Variants in NTM observed in about 807,000 individuals in gnomAD.
NTM encodes the protein neurotrimin, also known as IgLON family member 2.
NTM carries 13 observed loss-of-function variants against 42.1 expected under a neutral mutation model. The ratio of observed to expected loss-of-function variants is 0.31; its 90% confidence interval spans 0.20 to 0.49. The LOEUF (loss-of-function observed/expected upper bound fraction) is 0.49, where lower values mean the gene tolerates loss of function less well. NTM is among the 20% of genes least tolerant of loss of function. NTM has a pLI of 0.99. For synonymous variants in NTM, 187 were observed against 179.2 expected, an observed-to-expected ratio of 1.04 and a Z score of -0.35; for missense variants, 373 against 452.8, an observed-to-expected ratio of 0.82 and a Z score of 1.60.
At chr11:131,837,665 T>C (rs1266422351) in intron 1 of NTM, among the ~76,000 whole-genome samples, 4 of 152,182 alleles carry the variant, frequency 2.6e-5, no homozygotes, top group East Asian at 3.9e-4. Flanking sequence ...GCAAAGGTTT[T>C]TCAACGGGCC....
At chr11:132,289,355 A>G (rs1406595831) in intron 4 of NTM, among the ~76,000 whole-genome samples, 1 of 152,220 alleles carries the variant, frequency 6.6e-6, no homozygotes, top group South Asian at 2.1e-4. Context: ...TTTACACAAG[A>G]GTTCAGTTCT....
chr11:132,201,752 C>A (rs1263717164), intron 3 of NTM, among the ~76,000 whole-genome samples: 1 of 152,242 alleles, frequency 6.6e-6, no homozygotes, highest in Non-Finnish European at 1.5e-5. Context: ...ATCACAATAG[C>A]ATTCATTTGC....
chr11:131,822,131 T>C (rs2093215505), intron 1 of NTM, among the ~76,000 whole-genome samples: 1 of 147,510 alleles, frequency 6.8e-6, no homozygotes, highest in African/African-American at 2.7e-5. Flanking sequence ...TACTGCTATG[T>C]TGTCTTCTTC....
At chr11:131,602,571 A>G (rs1303359669) in intron 1 of NTM, among the ~76,000 whole-genome samples, 2 of 152,038 alleles carry the variant, frequency 1.3e-5, no homozygotes, top group East Asian at 3.9e-4. Context: ...ATTGCTTCAG[A>G]TTCTCTACAC....
At position 131,853,436 on chromosome 11, in the gene NTM, C is replaced by G. The variant is rs549366108; in HGVS notation, c.83-58128C>G. The stretch of plus-strand genomic sequence containing the variant: ...ACAGGCCCAGTGTGTGTTGTTTCCC[C>G]CTGTGTGTCTTATGTTGTCATAATC... On this transcript the variant is annotated intron_variant, in intron 1 of 8. Coordinates refer to ENST00000683400, the MANE Select transcript of NTM (RefSeq NM_001352005.2). Among the ~76,000 whole-genome samples, 3 of 152,208 alleles carry G rather than the reference C, an allele frequency of 2.0e-5. No individual in the cohort carries two copies. In the East Asian group the frequency reaches 5.8e-4, roughly 30 times the overall value.
At chr11:131,482,863 A>G (rs182245461) in intron 1 of NTM, among the ~76,000 whole-genome samples, 48 of 152,294 alleles carry the variant, frequency 3.2e-4, no homozygotes, top group African/African-American at 9.4e-4. Context: ...AAAATTCACT[A>G]TGGGTGTGAT....
chr11:131,632,437 T>G (rs140717199), intron 1 of NTM, among the ~76,000 whole-genome samples: 1 of 152,222 alleles, frequency 6.6e-6, no homozygotes, highest in Non-Finnish European at 1.5e-5. Context: ...TTTCTTTAAG[T>G]CTTGTTTTAT....
intron 3 of NTM, among the ~76,000 whole-genome samples, chr11:132,147,551 C>G (rs1333909881): frequency 6.7e-5 from 2 of 29,892 alleles, no homozygotes; most frequent in East Asian, 2.9e-4. Flanking sequence ...AGCTATGGAG[C>G]TTTCTTTTCT....
chr11:131,631,181 C>T (rs536482464), intron 1 of NTM, among the ~76,000 whole-genome samples: 128 of 152,190 alleles, frequency 8.4e-4, no homozygotes, highest in African/African-American at 3.0e-3. Context: ...GATTTGCACC[C>T]GTTAAATGAC....
intron 2 of NTM, among the ~76,000 whole-genome samples, chr11:131,963,264 A>G (rs1407181025): frequency 6.6e-6 from 1 of 152,214 alleles, no homozygotes; most frequent in Non-Finnish European, 1.5e-5. Context: ...AGAGCAGCGC[A>G]AATGGAGGCT....
At chr11:132,105,398 G>C (rs140898512) in intron 2 of NTM, among the ~76,000 whole-genome samples, 1 of 152,050 alleles carries the variant, frequency 6.6e-6, no homozygotes, top group Non-Finnish European at 1.5e-5. Context: ...GTAGAAAAGA[G>C]AGCTATTAAA....
At chr11:132,029,501 G>C (rs1302316025) in intron 2 of NTM, among the ~76,000 whole-genome samples, 1 of 151,986 alleles carries the variant, frequency 6.6e-6, no homozygotes, top group Non-Finnish European at 1.5e-5. Flanking sequence ...TCATCCAAGA[G>C]TTGTTGACTT....
At chr11:131,618,282 G>A (rs2062156173) in intron 1 of NTM, among the ~76,000 whole-genome samples, 1 of 152,158 alleles carries the variant, frequency 6.6e-6, no homozygotes, top group African/African-American at 2.4e-5. Context: ...GAACAATAGT[G>A]TTTCATTTTA....
At position 131,613,325 on chromosome 11, in the gene NTM, T is replaced by C. The variant is rs1042304365; in HGVS notation, c.82+242437T>C. ...CCTGACTTCGTAGTTTGCCCAAGCC[T>C]GGGCCCCCGCCCAAGTTCTCTGAAA... On this transcript the variant is annotated intron_variant, in intron 1 of 8. Coordinates refer to ENST00000683400, the MANE Select transcript of NTM (RefSeq NM_001352005.2). Among the ~76,000 whole-genome samples the C allele has an allele frequency of 2.6e-5, 4 of 152,000 alleles. No individual in the cohort carries two copies. In the South Asian group the frequency reaches 8.3e-4, roughly 32 times the overall value.
At chr11:131,862,756 A>C (rs1054132990) in intron 1 of NTM, among the ~76,000 whole-genome samples, 5 of 152,200 alleles carry the variant, frequency 3.3e-5, no homozygotes, top group Non-Finnish European at 7.3e-5. Flanking sequence ...ATGGCTCCAA[A>C]CCTCGAAATA....
chr11:132,282,970 T>C (rs1448825217), intron 4 of NTM, among the ~76,000 whole-genome samples: 2 of 133,118 alleles, frequency 1.5e-5, no homozygotes, highest in Non-Finnish European at 3.1e-5. Context: ...GGAAATTCCT[T>C]TATTCCTTTT....
rs147742726 is a variant in NTM, at chr11:131,836,209, A to C, written c.83-75355A>C. Among the ~76,000 whole-genome samples, 19 of 152,268 alleles carry C rather than the reference A, an allele frequency of 1.2e-4. No individual in the cohort carries two copies. In the East Asian group the frequency reaches 3.1e-3, roughly 25 times the overall value. On this transcript the variant is annotated intron_variant, in intron 1 of 8. Transcript: ENST00000683400. ...CTATATGTATGTAATGTTTCAACAA[A>C]ACTTTTCTTAAAATTAAGTTATGTA...
At chr11:131,975,215 T>G (rs894879332) in intron 2 of NTM, among the ~76,000 whole-genome samples, 1 of 151,958 alleles carries the variant, frequency 6.6e-6, no homozygotes, top group African/African-American at 2.4e-5. Flanking sequence ...AGAGTCTTGC[T>G]CTGTCACCAG....
At chr11:131,827,240 A>C (rs10894459) in intron 1 of NTM, among the ~76,000 whole-genome samples, 85,753 of 152,046 alleles carry the variant, frequency 0.56, 26,108 homozygotes, top group East Asian at 0.86. Flanking sequence ...AGGCAAGATG[A>C]CACAATAGGA....
Sources: gnomAD v4.1 joint callset for allele counts (sites outside exome capture counted in the v4.1 genomes callset) on GRCh38, gnomAD v4.1.1 for gene constraint, MANE v1.5 for transcripts, NCBI Gene and HGNC (gene_info 2026-07-23, HGNC 2026-07-21) for gene names.